The following RALB variants were observed in gnomAD, a reference collection of about 807,000 sequenced individuals.
RALB encodes the protein ras-related protein Ral-B.
In RALB, 16 loss-of-function variants were observed where a neutral mutation model predicts 21.3. That is an observed-to-expected ratio of 0.75 (90% CI 0.51 to 1.14). RALB has a LOEUF of 1.14. Among genes scored for constraint, RALB ranks in the 50% most tolerant of loss-of-function variants. The probability of loss-of-function intolerance (pLI) is 0.00; values close to 1 mark genes in which losing one functional copy is unlikely to be tolerated. For synonymous variants in RALB, 93 were observed against 96.1 expected (o/e 0.97, Z 0.19); for missense variants, 161 against 256.2 (o/e 0.63, Z 2.54).
chr2:120,246,906 G>T (rs1688980457), intron 1 of RALB, among the ~76,000 whole-genome samples: 1 of 152,214 alleles, frequency 6.6e-6, no homozygotes, highest in Admixed American at 6.5e-5. Flanking sequence ...GAGGGAGGGA[G>T]GGGCTGAGCA....
chr2:120,251,447 T>C (rs973058024), upstream of RALB, among the ~76,000 whole-genome samples: 1 of 152,216 alleles, frequency 6.6e-6, no homozygotes, highest in Non-Finnish European at 1.5e-5. Context: ...GTACATCTTC[T>C]TACCTATAGC....
intron 1 of RALB, among the ~76,000 whole-genome samples, chr2:120,262,367 G>A (rs1201706639): frequency 6.6e-6 from 1 of 152,176 alleles, no homozygotes; most frequent in African/African-American, 2.4e-5. Context: ...GCACACCCAG[G>A]TCTCAGAGCT....
At chr2:120,261,840 T>G (rs951024825) in intron 1 of RALB, among the ~76,000 whole-genome samples, 27 of 152,128 alleles carry the variant, frequency 1.8e-4, no homozygotes, top group African/African-American at 6.5e-4. Flanking sequence ...GGCAGAGAAT[T>G]GTGTGTGGGG....
chr2:120,276,691 A>G (rs1207494628), intron 1 of RALB, among the ~76,000 whole-genome samples: 4 of 151,994 alleles, frequency 2.6e-5, no homozygotes, highest in African/African-American at 9.7e-5. Flanking sequence ...TACCTCCTGT[A>G]TCACTCTTAC....
chr2:120,280,183 T>C (rs906624580), intron 2 of RALB, among the ~76,000 whole-genome samples: 5 of 152,188 alleles, frequency 3.3e-5, no homozygotes, highest in African/African-American at 1.2e-4. Flanking sequence ...TGAAGCTCAA[T>C]AGAGGTTTCC....
chr2:120,289,484 C>CTTT, intron 3 of RALB, 96 bp from the exon 4 acceptor site: 1 of 1,261,304 alleles, frequency 7.9e-7, no homozygotes, highest in Admixed American at 2.2e-5. Flanking sequence ...TTTTTTCCTT[C>CTTT]TGCCTTAGGA....
rs927452812 is a variant in RALB, at chr2:120,253,072, G to T, written c.-48+92G>T. 4 of 837,886 alleles carry T rather than the reference G, an allele frequency of 4.8e-6. No individual in the cohort carries two copies. The African/African-American group carries it at 7.4e-5, about 15-fold the overall frequency. The allele number at this position is 837,886 out of a possible 1,614,324, so 51.9% of individuals were successfully genotyped here. On this transcript the variant is annotated intron_variant, in intron 1 of 4. Coordinates refer to ENST00000272519, the MANE Select transcript of RALB (RefSeq NM_002881.3). ...ACGCCCGCAGCCTCTTGCTCCCTCC[G>T]TGCCGGGCTGTGGCCGGGCGGCGGC...
At chr2:120,267,341 C>A (rs1473852260) in intron 1 of RALB, among the ~76,000 whole-genome samples, 2 of 152,152 alleles carry the variant, frequency 1.3e-5, no homozygotes, top group Non-Finnish European at 2.9e-5. Context: ...AGAAAAAAGT[C>A]AAAAATTGAA....
upstream of RALB, among the ~76,000 whole-genome samples, chr2:120,249,496 G>A (rs562476927): frequency 1.3e-5 from 2 of 152,280 alleles, no homozygotes; most frequent in East Asian, 1.9e-4. Flanking sequence ...CAGTCATGGC[G>A]GAAGGCATAG....
intron 1 of RALB, among the ~76,000 whole-genome samples, chr2:120,277,739 TTG>T (rs970039277): frequency 1.1e-4 from 17 of 150,840 alleles, no homozygotes; most frequent in Admixed American, 3.3e-4. Context: ...GTGTGTGAGC[TTG>T]TGTGTGAATG....
upstream of RALB, among the ~76,000 whole-genome samples, chr2:120,249,333 G>A (rs182791533): frequency 2.6e-5 from 4 of 152,142 alleles, no homozygotes; most frequent in Admixed American, 1.3e-4. Flanking sequence ...GCGCCCGTCC[G>A]TGTTAGTCCA....
intron 1 of RALB, among the ~76,000 whole-genome samples, chr2:120,244,774 G>T (rs942943546): frequency 1.3e-5 from 2 of 152,202 alleles, no homozygotes; most frequent in Non-Finnish European, 2.9e-5. Context: ...TATGACCTCT[G>T]GTTAGCCAGA....
intron 1 of RALB, among the ~76,000 whole-genome samples, chr2:120,277,291 G>A (rs1007590328): frequency 9.2e-5 from 14 of 151,998 alleles, no homozygotes; most frequent in Admixed American, 2.0e-4. Context: ...GTGCGAGAGC[G>A]TGTGTGTTCT....
chr2:120,258,964 G>A (rs1689271693), intron 1 of RALB, among the ~76,000 whole-genome samples: 1 of 152,032 alleles, frequency 6.6e-6, no homozygotes, highest in African/African-American at 2.4e-5. Flanking sequence ...GTGGGTTCGT[G>A]GTCTCGCTGG....
At chr2:120,277,878 T>TGG (rs368964517) in intron 1 of RALB, among the ~76,000 whole-genome samples, 59 of 17,830 alleles carry the variant, frequency 3.3e-3, no homozygotes, top group Non-Finnish European at 5.8e-3. Context: ...TGTGAGAACA[T>TGG]GAGTGTGAAA....
At chr2:120,248,471 C>T (rs1217911014), upstream of RALB, among the ~76,000 whole-genome samples, 2 of 152,140 alleles carry the variant, frequency 1.3e-5, no homozygotes, top group African/African-American at 4.8e-5. Context: ...GAAGACTGTT[C>T]TGTTTGGTCT....
intron 1 of RALB, among the ~76,000 whole-genome samples, chr2:120,273,039 G>A (rs893337412): frequency 5.9e-5 from 9 of 152,088 alleles, no homozygotes; most frequent in East Asian, 5.8e-4. Flanking sequence ...CTGTGTCATC[G>A]CCCGTTGGGT....
intron 1 of RALB, among the ~76,000 whole-genome samples, chr2:120,269,591 G>A (rs1201393293): frequency 4.6e-5 from 7 of 152,210 alleles, no homozygotes; most frequent in Non-Finnish European, 1.0e-4. Context: ...CAGCCACAGA[G>A]CGCTGATTGG....
chr2:120,268,514 G>A (rs2104610200), intron 1 of RALB, among the ~76,000 whole-genome samples: 1 of 152,310 alleles, frequency 6.6e-6, no homozygotes, highest in Non-Finnish European at 1.5e-5. Context: ...AGATGCCATG[G>A]CTTACACCTG....
Sources: gnomAD v4.1 joint callset for allele counts (sites outside exome capture counted in the v4.1 genomes callset) on GRCh38, gnomAD v4.1.1 for gene constraint, MANE v1.5 for transcripts, NCBI Gene and HGNC (gene_info 2026-07-23, HGNC 2026-07-21) for gene names.